Variants in RPS6KC1 observed in about 807,000 individuals in gnomAD.
The protein encoded by RPS6KC1 is inactive ribosomal protein S6 kinase delta-1.
Under a neutral mutation model 103.8 loss-of-function variants are expected in RPS6KC1, and 54 were observed. That is an observed-to-expected ratio of 0.52 (90% CI 0.42 to 0.65). The LOEUF is 0.65. Ranked by LOEUF, RPS6KC1 falls within the 30% of genes least tolerant of loss-of-function variation. The probability of loss-of-function intolerance (pLI) is 0.00; values close to 1 mark genes in which losing one functional copy is unlikely to be tolerated. For missense variants in RPS6KC1, 1,151 were observed against 1,253.8 expected, an observed-to-expected ratio of 0.92 and a Z score of 1.24; for synonymous variants, 439 against 438.7, an observed-to-expected ratio of 1.00 and a Z score of -0.01.
At chr1:213,071,268 T>TA (rs1312177027) in intron 2 of RPS6KC1, among the ~76,000 whole-genome samples, 1 of 152,158 alleles carries the variant, frequency 6.6e-6, no homozygotes, top group Admixed American at 6.5e-5. Flanking sequence ...TAGCTGGAAT[T>TA]ACAGGCATCT....
the RPS6KC1 span, among the ~76,000 whole-genome samples, chr1:213,549,612 CTTTTTTTTTTTTTTT>C: frequency 5.8e-5 from 5 of 86,916 alleles, no homozygotes; most frequent in Admixed American, 1.3e-4. Context: ...TTTTCTTTTC[CTTTTTTTTTTTTTTT>C]TTTTTTTTTT....
intron 1 of RPS6KC1, among the ~76,000 whole-genome samples, chr1:213,052,294 T>C (rs1204509766): frequency 2.0e-5 from 3 of 152,226 alleles, no homozygotes; most frequent in African/African-American, 7.2e-5. Flanking sequence ...GTAGGCATTT[T>C]ATGCACATCA....
At chr1:213,140,471 G>A (rs185127347) in intron 6 of RPS6KC1, among the ~76,000 whole-genome samples, 5 of 152,194 alleles carry the variant, frequency 3.3e-5, no homozygotes, top group African/African-American at 4.8e-5. Context: ...TTGGCTGTGG[G>A]TTTGTCATGG....
the RPS6KC1 span, among the ~76,000 whole-genome samples, chr1:213,420,310 A>C: frequency 6.6e-5 from 10 of 152,176 alleles, no homozygotes; most frequent in Non-Finnish European, 1.2e-4. Flanking sequence ...TTAGAGTTCT[A>C]GGTTCCCAAA....
the RPS6KC1 span, among the ~76,000 whole-genome samples, chr1:213,763,369 C>T: frequency 6.6e-6 from 1 of 152,164 alleles, no homozygotes; most frequent in Non-Finnish European, 1.5e-5. Context: ...TTTCCCTTTC[C>T]CTGATGGGAA....
chr1:213,666,825 A>G, the RPS6KC1 span, among the ~76,000 whole-genome samples: 1 of 152,264 alleles, frequency 6.6e-6, no homozygotes, highest in Non-Finnish European at 1.5e-5. Flanking sequence ...TAAGGGCACC[A>G]GCAACAGCTG....
chr1:213,236,029 G>A (rs955744674), intron 10 of RPS6KC1, among the ~76,000 whole-genome samples: 3 of 152,130 alleles, frequency 2.0e-5, no homozygotes, highest in African/African-American at 7.2e-5. Flanking sequence ...TCTGAGCTCC[G>A]CCTCCTGTCA....
chr1:213,533,353 C>A, the RPS6KC1 span, among the ~76,000 whole-genome samples: 1 of 152,272 alleles, frequency 6.6e-6, no homozygotes, highest in Non-Finnish European at 1.5e-5. Context: ...AACAGAGAAA[C>A]AAGAATCAGG....
the RPS6KC1 span, among the ~76,000 whole-genome samples, chr1:213,750,743 G>C: frequency 6.6e-6 from 1 of 152,178 alleles, no homozygotes; most frequent in Non-Finnish European, 1.5e-5. Context: ...GAGTAGGACT[G>C]AGAGGGCCAA....
the RPS6KC1 span, chr1:213,840,182 C>A: frequency 6.6e-6 from 1 of 152,152 alleles, no homozygotes; most frequent in African/African-American, 2.4e-5. Context: ...TGTCAGTAGT[C>A]CATCCTGTCC....
intron 3 of RPS6KC1, among the ~76,000 whole-genome samples, chr1:213,082,904 GCT>G (rs1283493553): frequency 6.6e-6 from 1 of 152,170 alleles, no homozygotes; most frequent in East Asian, 1.9e-4. Flanking sequence ...CAGACCAAAT[GCT>G]CTCAATAAAG....
the RPS6KC1 span, among the ~76,000 whole-genome samples, chr1:213,424,056 T>C: frequency 4.6e-5 from 7 of 152,166 alleles, no homozygotes; most frequent in African/African-American, 1.4e-4. Context: ...GTAAAGATGG[T>C]CCGGGATTGT....
the RPS6KC1 span, among the ~76,000 whole-genome samples, chr1:213,315,393 A>G: frequency 2.6e-5 from 4 of 152,366 alleles, 1 homozygote; most frequent in Non-Finnish European, 5.9e-5. Context: ...AAAATGCCAC[A>G]CATTATATCA....
the RPS6KC1 span, among the ~76,000 whole-genome samples, chr1:213,594,841 A>G: frequency 6.6e-6 from 1 of 152,236 alleles, no homozygotes; most frequent in Non-Finnish European, 1.5e-5. Flanking sequence ...AGACAGAGAC[A>G]GTGCCAGCAC....
chr1:213,057,404 A>C (rs1287322362), intron 1 of RPS6KC1, among the ~76,000 whole-genome samples: 1 of 152,142 alleles, frequency 6.6e-6, no homozygotes, highest in Non-Finnish European at 1.5e-5. Flanking sequence ...AATTCTTTGA[A>C]TCTTAACATG....
the RPS6KC1 span, among the ~76,000 whole-genome samples, chr1:213,410,405 G>A: frequency 1.3e-5 from 2 of 152,184 alleles, no homozygotes; most frequent in Non-Finnish European, 2.9e-5. Context: ...AGGAAGCTTA[G>A]GGAGTGCTTG....
chr1:213,151,016 G>A lies in RPS6KC1; in HGVS notation c.836-16842G>A, dbSNP rs112409202. ...GGCTGACCCCCCCCACCTCCCTCCC[G>A]GACGGGGCAGCTGGCCGGGCAGAGG... On this transcript the variant is annotated intron_variant, in intron 6 of 14. Coordinates refer to ENST00000366960, the MANE Select transcript of RPS6KC1 (RefSeq NM_012424.6). Among the ~76,000 whole-genome samples, 1,213 of 145,294 alleles carry A rather than the reference G, an allele frequency of 8.3e-3. 5 individuals carry two copies. The highest frequency in any genetic ancestry group is 0.012 in the Non-Finnish European group (793 of 65,196).
chr1:213,725,589 C>T, the RPS6KC1 span, among the ~76,000 whole-genome samples: 1 of 152,164 alleles, frequency 6.6e-6, no homozygotes, highest in Non-Finnish European at 1.5e-5. Flanking sequence ...GCCCTTTACT[C>T]GTTGGTTTCA....
the RPS6KC1 span, among the ~76,000 whole-genome samples, chr1:213,598,915 C>CAAACA: frequency 2.6e-5 from 4 of 152,002 alleles, no homozygotes; most frequent in East Asian, 1.9e-4. Flanking sequence ...GACTATGTCT[C>CAAACA]AAACAAAACA....
Sources: gnomAD v4.1 joint callset for allele counts (sites outside exome capture counted in the v4.1 genomes callset) on GRCh38, gnomAD v4.1.1 for gene constraint, MANE v1.5 for transcripts, NCBI Gene and HGNC (gene_info 2026-07-23, HGNC 2026-07-21) for gene names.